Variants in PCDH15 observed in about 807,000 individuals in gnomAD.
PCDH15 encodes protocadherin-15.
PCDH15 carries 129 observed loss-of-function variants against 178.5 expected under a neutral mutation model. The ratio of observed to expected loss-of-function variants is 0.72; its 90% CI spans 0.63 to 0.84. PCDH15 has a LOEUF of 0.84. Among genes scored for constraint, PCDH15 ranks in the 40% least tolerant of loss-of-function variants. The probability of loss-of-function intolerance (pLI) is 0.00; values close to 1 mark genes in which losing one functional copy is unlikely to be tolerated. For synonymous variants in PCDH15, 800 were observed against 732.0 expected (o/e 1.09, Z -1.50); for missense variants, 2,230 against 2,099.9 (o/e 1.06, Z -1.21).
At chr10:54,915,805 T>C (rs1194703570) in intron 2 of PCDH15, among the ~76,000 whole-genome samples, 1 of 152,148 alleles carries the variant, frequency 6.6e-6, no homozygotes, top group East Asian at 1.9e-4. Context: ...AGAATTTGTA[T>C]CCATTAAATA....
chr10:54,260,395 T>TAA (rs10699236), intron 8 of PCDH15, among the ~76,000 whole-genome samples: 88,741 of 151,310 alleles, frequency 0.59, 27,243 homozygotes, highest in Middle Eastern at 0.68. Flanking sequence ...TATGCTAGTT[T>TAA]AAAAAAATTT....
intron 1 of PCDH15, among the ~76,000 whole-genome samples, chr10:54,738,098 G>T (rs1944352758): frequency 6.6e-6 from 1 of 152,098 alleles, no homozygotes; most frequent in Non-Finnish European, 1.5e-5. Context: ...CCACATGATA[G>T]AAGTTAGAGA....
At chr10:54,326,852 T>C (rs1357169645) in intron 7 of PCDH15, among the ~76,000 whole-genome samples, 2 of 152,204 alleles carry the variant, frequency 1.3e-5, no homozygotes, top group East Asian at 3.8e-4. Flanking sequence ...TTAAAACTTT[T>C]AAAAATGCTT....
intron 1 of PCDH15, among the ~76,000 whole-genome samples, chr10:54,705,877 A>AT (rs561713769): frequency 9.2e-5 from 14 of 152,196 alleles, no homozygotes; most frequent in African/African-American, 3.1e-4. Context: ...CTGATGATGG[A>AT]TTTTTTTCAA....
chr10:55,517,868 C>G (rs1228148857), intron 2 of PCDH15, among the ~76,000 whole-genome samples: 1 of 152,118 alleles, frequency 6.6e-6, no homozygotes, highest in Non-Finnish European at 1.5e-5. Flanking sequence ...TCTAGCCAGG[C>G]TCCTTTGAGT....
intron 20 of PCDH15, among the ~76,000 whole-genome samples, chr10:54,016,870 A>G (rs1044292788): frequency 6.6e-6 from 1 of 152,194 alleles, no homozygotes; most frequent in African/African-American, 2.4e-5. Flanking sequence ...ACATGTATCT[A>G]TGAACCTAAA....
chr10:55,350,507 G>A (rs1212196954), intron 2 of PCDH15, among the ~76,000 whole-genome samples: 1 of 151,762 alleles, frequency 6.6e-6, no homozygotes, highest in Non-Finnish European at 1.5e-5. Flanking sequence ...ACTTTATGGA[G>A]AGAAATATTA....
intron 1 of PCDH15, among the ~76,000 whole-genome samples, chr10:54,703,805 C>T (rs555575732): frequency 6.6e-6 from 1 of 151,654 alleles, no homozygotes; most frequent in South Asian, 2.1e-4. Flanking sequence ...CTTCCCAAAG[C>T]AATTTAAAAG....
intron 13 of PCDH15, among the ~76,000 whole-genome samples, chr10:54,170,055 G>A (rs868775344): frequency 0.011 from 1,614 of 141,882 alleles, 8 homozygotes; most frequent in Middle Eastern, 0.017. Context: ...GCCTCTCTTC[G>A]CTTTCACTTG....
intron 9 of PCDH15, among the ~76,000 whole-genome samples, chr10:54,224,229 C>T (rs996629330): frequency 6.6e-6 from 1 of 152,112 alleles, no homozygotes; most frequent in African/African-American, 2.4e-5. Context: ...CTAATGAAAA[C>T]ACCCACAATT....
At chr10:54,848,273 C>T (rs1456573219) in intron 3 of PCDH15, among the ~76,000 whole-genome samples, 2 of 149,524 alleles carry the variant, frequency 1.3e-5, no homozygotes, top group Non-Finnish European at 1.5e-5. Context: ...ATCCCAGCTA[C>T]TTGGGAGGCT....
At chr10:54,077,945 T>A (rs1214065860) in intron 17 of PCDH15, among the ~76,000 whole-genome samples, 1 of 151,910 alleles carries the variant, frequency 6.6e-6, no homozygotes, top group Admixed American at 6.6e-5. Context: ...TGCCTGTAAT[T>A]CCAGCTACTT....
At chr10:54,698,166 G>A (rs191857765) in intron 1 of PCDH15, among the ~76,000 whole-genome samples, 11 of 152,212 alleles carry the variant, frequency 7.2e-5, no homozygotes, top group Admixed American at 3.3e-4. Context: ...GTTTACATTC[G>A]CTTGACTGGA....
upstream of PCDH15, among the ~76,000 whole-genome samples, chr10:55,319,900 T>A (rs543709043): frequency 6.6e-6 from 1 of 152,122 alleles, no homozygotes; most frequent in African/African-American, 2.4e-5. Flanking sequence ...GCTCCCACAG[T>A]AGACTTTAGC....
intron 1 of PCDH15, among the ~76,000 whole-genome samples, chr10:55,174,174 C>T (rs1839416956): frequency 6.6e-6 from 1 of 152,070 alleles, no homozygotes; most frequent in Non-Finnish European, 1.5e-5. Context: ...TTTTGGAAGG[C>T]ATCTTTTAGT....
At chr10:54,628,034 A>G (rs1397604638) in intron 2 of PCDH15, among the ~76,000 whole-genome samples, 6 of 152,208 alleles carry the variant, frequency 3.9e-5, no homozygotes, top group African/African-American at 1.2e-4. Context: ...CTTGAGGAAT[A>G]TACTAGGATT....
chr10:55,144,308 G>C (rs1041388101), intron 2 of PCDH15, among the ~76,000 whole-genome samples: 2 of 151,766 alleles, frequency 1.3e-5, no homozygotes, highest in Non-Finnish European at 2.9e-5. Flanking sequence ...TTATGTGAAG[G>C]AAAATAATAG....
Position 53,806,275 on chromosome 10 carries a change from ATTAT to A in PCDH15, c.*300_*303del, listed in dbSNP as rs930905873. The A allele has an allele frequency of 4.0e-5, 10 of 249,938 alleles. No individual in the cohort carries two copies. Among genetic ancestry groups the A allele is most frequent in the Admixed American group, 9.9e-5 (2 of 20,246 alleles). 15.5% of individuals were successfully genotyped at this position (249,938 alleles called of 1,614,324 possible). Reference sequence around the variant, plus strand: ...TATGTTAATCAATAAAATATAAATGATTATTTAGTAATTATTTCTTGTTTATTAA... The same window carrying A: ...TATGTTAATCAATAAAATATAAATGATTAGTAATTATTTCTTGTTTATTAA... On this transcript the variant is annotated 3_prime_UTR_variant, in exon 38 of 38. Transcript: ENST00000644397.
In PCDH15 at chr10:54,378,925, T is replaced by C; in HGVS notation, c.175A>G (p.Asn59Asp). 1.2e-6 allele frequency: 2 copies of C among 1,613,798 alleles called. No individual in the cohort carries two copies. The highest frequency in any genetic ancestry group is 1.1e-5 in the South Asian group (1 of 91,078). The change falls in exon 4 of 38, where the codon AAC (asparagine) becomes GAC (aspartate). Residue 59 changes from asparagine (N) to aspartate (D), a missense_variant. Coordinates refer to ENST00000644397, the MANE Select transcript of PCDH15 (RefSeq NM_001384140.1). ...CCAGCAGTCCCTTTGATCAGCATGT[T>C]GTCCACCAGAATTGTACCTGCAAAC... ...ESRNGTILVD[N>D]MLIKGTAGGP...
Sources: allele counts gnomAD v4.1 joint callset (sites outside exome capture counted in the v4.1 genomes callset), GRCh38; gene constraint gnomAD v4.1.1; transcripts MANE v1.5; gene names NCBI Gene and HGNC (gene_info 2026-07-23, HGNC 2026-07-21).